The following FARS2 variants were observed in gnomAD, a reference collection of about 807,000 sequenced individuals.
The protein encoded by FARS2 is phenylalanine--tRNA ligase, mitochondrial.
Under a neutral mutation model 46.4 loss-of-function variants are expected in FARS2, and 40 were observed. The ratio of observed to expected loss-of-function variants is 0.86; its 90% CI spans 0.67 to 1.12. The LOEUF (loss-of-function observed/expected upper bound fraction) is 1.12, where lower values mean the gene tolerates loss of function less well. Ranked by LOEUF, FARS2 falls within the 50% of genes most tolerant of loss-of-function variation. The pLI, the probability that FARS2 is intolerant of heterozygous loss-of-function variation, is 0.00. For synonymous variants in FARS2, 234 were observed against 214.9 expected, an observed-to-expected ratio of 1.09 and a Z score of -0.78; for missense variants, 513 against 567.9, an observed-to-expected ratio of 0.90 and a Z score of 0.98.
intron 4 of FARS2, among the ~76,000 whole-genome samples, chr6:5,476,275 C>T (rs1015547624): frequency 6.6e-6 from 1 of 152,102 alleles, no homozygotes; most frequent in Non-Finnish European, 1.5e-5. Flanking sequence ...TTCTCAAGTC[C>T]CTTTGAGTCG....
At chr6:5,594,236 C>A (rs985293381) in intron 5 of FARS2, among the ~76,000 whole-genome samples, 2 of 152,126 alleles carry the variant, frequency 1.3e-5, no homozygotes, top group African/African-American at 4.8e-5. Context: ...TTGAAGTTCC[C>A]CTCGATGAGC....
At chr6:5,729,605 C>T (rs1027548649) in intron 6 of FARS2, among the ~76,000 whole-genome samples, 1 of 151,178 alleles carries the variant, frequency 6.6e-6, no homozygotes, top group Non-Finnish European at 1.5e-5. Context: ...TTTTGCAATG[C>T]TTTGTCCTCC....
intron 6 of FARS2, among the ~76,000 whole-genome samples, chr6:5,720,411 T>A (rs2150919766): frequency 6.6e-6 from 1 of 152,346 alleles, no homozygotes; most frequent in East Asian, 1.9e-4. Context: ...TTGATCAGTT[T>A]TCCAGATGTT....
intron 4 of FARS2, among the ~76,000 whole-genome samples, chr6:5,521,203 G>T (rs72817757): frequency 0.11 from 17,158 of 152,054 alleles, 1,145 homozygotes; most frequent in South Asian, 0.2. Context: ...AGAAGATCCT[G>T]ATGATTTCTT....
chr6:5,270,202 C>G (rs566415453), intron 1 of FARS2, among the ~76,000 whole-genome samples: 33 of 152,286 alleles, frequency 2.2e-4, no homozygotes, highest in African/African-American at 6.3e-4. Context: ...AGCATACTTT[C>G]TTTCCTGTTT....
At chr6:5,747,504 GA>G (rs779748510) in intron 6 of FARS2, among the ~76,000 whole-genome samples, 8 of 152,210 alleles carry the variant, frequency 5.3e-5, no homozygotes, top group Non-Finnish European at 8.8e-5. Context: ...TGTAGGGTGT[GA>G]AGTAAGTGAC....
chr6:5,479,877 A>G (rs1156534140), intron 4 of FARS2, among the ~76,000 whole-genome samples: 1 of 152,334 alleles, frequency 6.6e-6, no homozygotes, highest in African/African-American at 2.4e-5. Flanking sequence ...AGCTAGCTAT[A>G]TTGATGCACC....
intron 5 of FARS2, among the ~76,000 whole-genome samples, chr6:5,591,912 A>G (rs1443010718): frequency 1.3e-5 from 2 of 152,216 alleles, no homozygotes; most frequent in African/African-American, 2.4e-5. Flanking sequence ...AGAGTATCTT[A>G]CTAATCTTGT....
intron 3 of FARS2, among the ~76,000 whole-genome samples, chr6:5,429,109 G>T (rs1479674362): frequency 6.6e-6 from 1 of 152,180 alleles, no homozygotes; most frequent in African/African-American, 2.4e-5. Flanking sequence ...GGGCAGGTGG[G>T]TAGGATTACA....
chr6:5,400,617 A>ATG (rs1238009378), intron 2 of FARS2, among the ~76,000 whole-genome samples: 49 of 113,172 alleles, frequency 4.3e-4, no homozygotes, highest in African/African-American at 9.4e-4. Flanking sequence ...AGTAAGTTTA[A>ATG]TATGTGTGTA....
At chr6:5,594,539 G>A (rs187123568) in intron 5 of FARS2, among the ~76,000 whole-genome samples, 1 of 152,272 alleles carries the variant, frequency 6.6e-6, no homozygotes, top group Non-Finnish European at 1.5e-5. Context: ...TAGCCTTTGA[G>A]GGAGGTAATT....
chr6:5,701,785 AATTCTCAGT>A (rs1758451068), intron 6 of FARS2, among the ~76,000 whole-genome samples: 1 of 152,230 alleles, frequency 6.6e-6, no homozygotes, highest in African/African-American at 2.4e-5. Flanking sequence ...GGCTAATTGG[AATTCTCAGT>A]ATTCTAATAA....
At chr6:5,285,988 C>G (rs757488880) in intron 1 of FARS2, among the ~76,000 whole-genome samples, 1 of 152,208 alleles carries the variant, frequency 6.6e-6, no homozygotes, top group Non-Finnish European at 1.5e-5. Context: ...GCCTAGAACA[C>G]TTCCTCTGTT....
intron 5 of FARS2, among the ~76,000 whole-genome samples, chr6:5,576,589 C>G (rs9502318): frequency 1.4e-5 from 2 of 144,870 alleles, no homozygotes; most frequent in Non-Finnish European, 3.0e-5. Flanking sequence ...GATATATACT[C>G]TATATATGAT....
chr6:5,279,544 T>TA, intron 1 of FARS2, among the ~76,000 whole-genome samples: 1 of 148,274 alleles, frequency 6.7e-6, no homozygotes, highest in African/African-American at 2.5e-5. Context: ...ATAGAAAAAA[T>TA]AAAAAATATA....
chr6:5,623,023 G>A (rs925753956), intron 6 of FARS2, among the ~76,000 whole-genome samples: 2 of 152,176 alleles, frequency 1.3e-5, no homozygotes, highest in African/African-American at 4.8e-5. Context: ...AGAATTGGAA[G>A]GCATGGGTGA....
rs532221041 is a variant in FARS2, at chr6:5,350,332, G to A, written c.-21-18218G>A. ...CCCAGCAAGATTTTTTTATACACAA[G>A]CTGTTTTTCAGTTTTGTTTGGAAAG... On this transcript the variant is annotated intron_variant, in intron 1 of 6. Transcript: ENST00000274680. 2.0e-5 allele frequency among the ~76,000 whole-genome samples: 3 copies of A among 152,046 alleles called. No homozygotes were observed. The East Asian group carries it at 5.8e-4, about 29-fold the overall frequency.
chr6:5,628,953 A>G (rs989823317), intron 6 of FARS2, among the ~76,000 whole-genome samples: 4 of 152,258 alleles, frequency 2.6e-5, no homozygotes, highest in African/African-American at 9.6e-5. Context: ...AAGAGGTTGA[A>G]GTGATCAGCT....
intron 5 of FARS2, among the ~76,000 whole-genome samples, chr6:5,548,071 G>GA (rs1283401068): frequency 6.6e-6 from 1 of 152,182 alleles, no homozygotes; most frequent in Non-Finnish European, 1.5e-5. Flanking sequence ...AGCAGCAAGA[G>GA]AAAATGATGA....
Sources: allele counts gnomAD v4.1 joint callset (sites outside exome capture counted in the v4.1 genomes callset), GRCh38; gene constraint gnomAD v4.1.1; transcripts MANE v1.5; gene names NCBI Gene and HGNC (gene_info 2026-07-23, HGNC 2026-07-21).